SPRED2: variants seen among roughly 807,000 people sequenced by gnomAD.
The protein encoded by SPRED2 is sprouty related EVH1 domain containing 2, also known as sprouty-related, EVH1 domain-containing protein 2.
Under a neutral mutation model 43.0 loss-of-function variants are expected in SPRED2, and 47 were observed. The observed-to-expected ratio is 1.09, with a 90% CI of 0.87 to 1.40. The LOEUF is 1.40. Ranked by LOEUF, SPRED2 falls within the 40% of genes most tolerant of loss-of-function variation. The pLI is 0.00. For missense variants in SPRED2, 561 were observed against 586.4 expected, an observed-to-expected ratio of 0.96 and a Z score of 0.45; for synonymous variants, 225 against 225.7, an observed-to-expected ratio of 1.00 and a Z score of 0.03.
At chr2:65,332,647 A>G (rs1169839342) in intron 3 of SPRED2, among the ~76,000 whole-genome samples, 1 of 152,182 alleles carries the variant, frequency 6.6e-6, no homozygotes, top group Non-Finnish European at 1.5e-5. Context: ...TTGCAATACC[A>G]AGGCATCAGT....
At chr2:65,323,857 C>A (rs531713583) in intron 4 of SPRED2, among the ~76,000 whole-genome samples, 1 of 152,184 alleles carries the variant, frequency 6.6e-6, no homozygotes, top group African/African-American at 2.4e-5. Context: ...GCCTGGGCGA[C>A]AGAGCAAGAC....
intron 1 of SPRED2, among the ~76,000 whole-genome samples, chr2:65,381,724 G>A (rs567342095): frequency 6.6e-5 from 10 of 152,308 alleles, no homozygotes; most frequent in East Asian, 1.9e-4. Flanking sequence ...CCTCAGCCCC[G>A]GTCCCTGAGC....
At chr2:65,412,060 A>G (rs1220831853) in intron 1 of SPRED2, among the ~76,000 whole-genome samples, 2 of 151,810 alleles carry the variant, frequency 1.3e-5, no homozygotes, top group African/African-American at 2.4e-5. Flanking sequence ...CCCAGGAGGC[A>G]GAGCTTGCAG....
intron 1 of SPRED2, among the ~76,000 whole-genome samples, chr2:65,346,303 A>C (rs1674347517): frequency 6.7e-6 from 1 of 149,210 alleles, no homozygotes. Flanking sequence ...TTACTTCCTC[A>C]TCCCCTTCTC....
Position 65,313,294 on chromosome 2 carries a change from G to T in SPRED2, c.*207C>A. On this transcript the variant is annotated 3_prime_UTR_variant, in exon 6 of 6. Transcript: ENST00000356388. Reference sequence around the variant, plus strand: ...TGTGCGAGCGTGTGTGTATGGATGTGGCTGCTGCAGTGTGGGCGGCAGGGG... The same window carrying T: ...TGTGCGAGCGTGTGTGTATGGATGTTGCTGCTGCAGTGTGGGCGGCAGGGG... The T allele has an allele frequency of 2.1e-6, 3 of 1,421,388 alleles. No individual in the cohort carries two copies. Among genetic ancestry groups the T allele is most frequent in the Non-Finnish European group, 2.7e-6 (3 of 1,093,050 alleles). The allele number at this position is 1,421,388 out of a possible 1,614,324, so 88.0% of individuals were successfully genotyped here.
chr2:65,313,335 C>T lies in SPRED2; in HGVS notation c.*166G>A. 3 of 1,462,654 alleles carry T rather than the reference C, an allele frequency of 2.1e-6. No homozygotes were observed. The highest frequency in any genetic ancestry group is 2.8e-5 in the African/African-American group (2 of 70,720). 90.6% of individuals were successfully genotyped at this position (1,462,654 alleles called of 1,614,324 possible). On this transcript the variant is annotated 3_prime_UTR_variant, in exon 6 of 6. Coordinates refer to ENST00000356388, the MANE Select transcript of SPRED2 (RefSeq NM_181784.3). ...GCGGCAGGGGGAGTGGAGAGTCTAC[C>T]CGGCAGCGTCCCTGGCTGGAATGGT...
intron 1 of SPRED2, among the ~76,000 whole-genome samples, chr2:65,352,271 C>T (rs181035736): frequency 5.3e-5 from 8 of 152,334 alleles, no homozygotes; most frequent in Admixed American, 2.0e-4. Flanking sequence ...GATCATTAAA[C>T]GTTTGTTTCA....
chr2:65,338,986 G>GGCT (rs1674081830), intron 2 of SPRED2, among the ~76,000 whole-genome samples: 7 of 104,740 alleles, frequency 6.7e-5, no homozygotes, highest in South Asian at 6.6e-4. Context: ...TCTGCCCGGC[G>GGCT]GCCCCTACTG....
At chr2:65,360,108 A>C (rs1674769513) in intron 1 of SPRED2, among the ~76,000 whole-genome samples, 2 of 146,584 alleles carry the variant, frequency 1.4e-5, no homozygotes, top group African/African-American at 5.0e-5. Context: ...AACAAAAAAA[A>C]AAAAAACAAA....
chr2:65,422,104 A>ACACACACTCTCTCTCTCT (rs1299857849), intron 1 of SPRED2, among the ~76,000 whole-genome samples: 1 of 128,938 alleles, frequency 7.8e-6, no homozygotes, highest in Non-Finnish European at 1.7e-5. Flanking sequence ...ACACACACAC[A>ACACACACTCTCTCTCTCT]CTCTCTCTCT....
chr2:65,379,967 C>T (rs926072633), intron 1 of SPRED2, among the ~76,000 whole-genome samples: 1 of 152,208 alleles, frequency 6.6e-6, no homozygotes, highest in Non-Finnish European at 1.5e-5. Context: ...TGTTGCTTTC[C>T]AGCTGCCCTG....
At chr2:65,374,693 A>C (rs1443811762) in intron 1 of SPRED2, among the ~76,000 whole-genome samples, 1 of 152,242 alleles carries the variant, frequency 6.6e-6, no homozygotes, top group Non-Finnish European at 1.5e-5. Context: ...TCTGCCACAA[A>C]CATTTCAGCT....
Position 65,432,369 on chromosome 2 carries a change from T to TG in SPRED2, c.-383dup, listed in dbSNP as rs1177637830. ...GGAGGAGGAGAGCGCCGGCCGCGGG[T>TG]GGGGGGGCTCAGTCCGGGGTCGCCC... On this transcript the variant is annotated 5_prime_UTR_variant, in exon 1 of 6. Transcript: ENST00000356388. 6.4e-3 allele frequency among the ~76,000 whole-genome samples: 188 copies of TG among 29,594 alleles called. No individual in the cohort carries two copies. The highest frequency in any genetic ancestry group is 0.025 in the African/African-American group (182 of 7,178). 19.4% of individuals were successfully genotyped at this position (29,594 alleles called of 152,430 possible).
chr2:65,378,958 G>A (rs932691393), intron 1 of SPRED2, among the ~76,000 whole-genome samples: 2 of 152,100 alleles, frequency 1.3e-5, no homozygotes, highest in African/African-American at 4.8e-5. Flanking sequence ...GAAAGGACAG[G>A]GGCAGCTGGA....
chr2:65,362,261 C>T (rs1373330471), intron 1 of SPRED2, among the ~76,000 whole-genome samples: 3 of 151,634 alleles, frequency 2.0e-5, no homozygotes, highest in Admixed American at 6.6e-5. Context: ...TGGTCATCAT[C>T]TGTTTTTTTT....
At chr2:65,350,043 A>G (rs1467754567) in intron 1 of SPRED2, among the ~76,000 whole-genome samples, 3 of 152,232 alleles carry the variant, frequency 2.0e-5, no homozygotes, top group Non-Finnish European at 4.4e-5. Flanking sequence ...CTTCCTATCC[A>G]TGGTGTATTT....
At chr2:65,423,620 A>G (rs1676487645) in intron 1 of SPRED2, among the ~76,000 whole-genome samples, 1 of 152,226 alleles carries the variant, frequency 6.6e-6, no homozygotes, top group African/African-American at 2.4e-5. Context: ...CCTGCCTTGT[A>G]AAGTTCATGG....
intron 1 of SPRED2, among the ~76,000 whole-genome samples, chr2:65,388,700 C>T (rs970697727): frequency 6.6e-6 from 1 of 151,974 alleles, no homozygotes; most frequent in Non-Finnish European, 1.5e-5. Context: ...AGCAATTTTT[C>T]CCCAAAACAG....
Position 65,325,748 on chromosome 2 carries a change from CTGGTCAACA to C in SPRED2, c.438+6230_438+6238del, listed in dbSNP as rs1673592427. On this transcript the variant is annotated intron_variant, in intron 4 of 5. Coordinates refer to ENST00000356388, the MANE Select transcript of SPRED2 (RefSeq NM_181784.3). ...CTGAGGTCAGGAGTTGGAGACCAGCCTGGTCAACATGGTGAAACCCCATCTTTGTAAAAT... is the reference window on the plus strand; with the variant it reads ...CTGAGGTCAGGAGTTGGAGACCAGCCTGGTGAAACCCCATCTTTGTAAAAT... Among the ~76,000 whole-genome samples, 5 of 152,278 alleles carry C rather than the reference CTGGTCAACA, an allele frequency of 3.3e-5. No homozygotes were observed. The South Asian group carries it at 1.0e-3, about 32-fold the overall frequency.
Sources: allele counts gnomAD v4.1 joint callset (sites outside exome capture counted in the v4.1 genomes callset), GRCh38; gene constraint gnomAD v4.1.1; transcripts MANE v1.5; gene names NCBI Gene and HGNC (gene_info 2026-07-23, HGNC 2026-07-21).